Variants in ANXA6 observed in about 807,000 individuals in gnomAD.
ANXA6 encodes the protein annexin A6.
In ANXA6, 71 loss-of-function variants were observed where a neutral mutation model predicts 95.4. The ratio of observed to expected loss-of-function variants is 0.74; its 90% CI spans 0.61 to 0.91. The LOEUF (loss-of-function observed/expected upper bound fraction) is 0.91. Among genes scored for constraint, ANXA6 ranks in the 40% least tolerant of loss-of-function variants. ANXA6 has a pLI of 0.00. For synonymous variants in ANXA6, 289 were observed against 315.9 expected, an observed-to-expected ratio of 0.91 and a Z score of 0.90; for missense variants, 830 against 876.4, an observed-to-expected ratio of 0.95 and a Z score of 0.67.
chr5:151,139,863 G>A (rs997832872), intron 3 of ANXA6, among the ~76,000 whole-genome samples: 13 of 152,128 alleles, frequency 8.5e-5, no homozygotes, highest in African/African-American at 2.4e-4. Context: ...CAAAGGCAGC[G>A]GGCGGCATTA....
rs745395929 is a variant in ANXA6 at position 151,119,394 on chromosome 5, G to A, written c.1348-4C>T. 6.2e-7 allele frequency: 1 copy of A among 1,613,300 alleles called. No homozygotes were observed. The highest frequency in any genetic ancestry group is 8.5e-7 in the Non-Finnish European group (1 of 1,179,460). ...CCTTTTCATCTGTGCCGGCTCCCTG[G>A]AATGTCAAGGCAAAGATGATCTCAG... On this transcript the variant is annotated splice_polypyrimidine_tract_variant and splice_region_variant and intron_variant, in intron 17 of 25. Coordinates refer to ENST00000354546, the MANE Select transcript of ANXA6 (RefSeq NM_001155.5).
chr5:151,114,870 C>T (rs1764955452), intron 20 of ANXA6, among the ~76,000 whole-genome samples: 1 of 152,122 alleles, frequency 6.6e-6, no homozygotes, highest in Non-Finnish European at 1.5e-5. Context: ...GAGTGAGAGA[C>T]CGCCAGGGAG....
At chr5:151,109,979 G>T in intron 21 of ANXA6, 133 bp from the exon 22 acceptor site, 2 of 665,984 alleles carry the variant, frequency 3.0e-6, no homozygotes, top group Non-Finnish European at 5.4e-6. Flanking sequence ...CAAGGGGGCC[G>T]AGACTGGTCC....
chr5:151,125,639 T>C (rs560519923), intron 14 of ANXA6, among the ~76,000 whole-genome samples: 1 of 152,268 alleles, frequency 6.6e-6, no homozygotes, highest in African/African-American at 2.4e-5. Context: ...GCTGATGAAA[T>C]TGGAAAGGAG....
At chr5:151,142,698 C>A (rs1277889402) in intron 2 of ANXA6, among the ~76,000 whole-genome samples, 1 of 152,152 alleles carries the variant, frequency 6.6e-6, no homozygotes, top group Non-Finnish European at 1.5e-5. Context: ...TGTGACTGGG[C>A]TAAATGAATG....
At chr5:151,110,549 A>C in intron 21 of ANXA6, 78 bp downstream of exon 21, 1 of 1,511,194 alleles carries the variant, frequency 6.6e-7, no homozygotes. Context: ...TCACTGCTCG[A>C]TACTGCCCCG....
At chr5:151,141,498 A>C in intron 2 of ANXA6, 3 of 985,348 alleles carry the variant, frequency 3.0e-6, no homozygotes, top group Non-Finnish European at 3.6e-6. Flanking sequence ...GAATCCAAAA[A>C]AGAGGGAATG....
At chr5:151,109,407 C>T (rs938422727) in intron 22 of ANXA6, among the ~76,000 whole-genome samples, 1 of 152,196 alleles carries the variant, frequency 6.6e-6, no homozygotes, top group African/African-American at 2.4e-5. Flanking sequence ...TTGCTCCTGG[C>T]AGGCATCGCC....
intron 1 of ANXA6, among the ~76,000 whole-genome samples, chr5:151,153,236 TA>T (rs1766151271): frequency 6.6e-6 from 1 of 152,220 alleles, no homozygotes; most frequent in Admixed American, 6.5e-5. Context: ...CCAGAATCTA[TA>T]CCAGTGCTTT....
chr5:151,110,545 C>A, intron 21 of ANXA6, 82 bp downstream of exon 21: 1 of 1,491,796 alleles, frequency 6.7e-7, no homozygotes, highest in Non-Finnish European at 9.3e-7. Context: ...CAAATCACTG[C>A]TCGATACTGC....
intron 20 of ANXA6, among the ~76,000 whole-genome samples, chr5:151,114,953 C>T (rs997547287): frequency 1.3e-5 from 2 of 152,188 alleles, no homozygotes; most frequent in Non-Finnish European, 2.9e-5. Flanking sequence ...TGACTCGGCC[C>T]TATCAAATGC....
chr5:151,141,586 C>CCCGTCT, intron 2 of ANXA6: 5 of 985,536 alleles, frequency 5.1e-6, no homozygotes, highest in Non-Finnish European at 6.0e-6. Flanking sequence ...TCCCCCTCTC[C>CCCGTCT]CCGTCTCCGT....
In ANXA6 at chr5:151,126,779, C is replaced by G. The variant is rs186593074; in HGVS notation, c.978-299G>C. Among the ~76,000 whole-genome samples the G allele has an allele frequency of 2.6e-4, 39 of 152,196 alleles. No homozygotes were observed. In the South Asian group the frequency reaches 3.3e-3, roughly 13 times the overall value. On this transcript the variant is annotated intron_variant, in intron 13 of 25. Coordinates refer to ENST00000354546, the MANE Select transcript of ANXA6 (RefSeq NM_001155.5). ...TCACCCAGGCTGGGGTGCAGTGGCT[C>G]GATCTCAGCTCACTGCAACCTCTGC...
intron 17 of ANXA6, among the ~76,000 whole-genome samples, chr5:151,119,932 T>G (rs893295349): frequency 2.0e-5 from 3 of 152,142 alleles, no homozygotes; most frequent in Non-Finnish European, 4.4e-5. Flanking sequence ...CAGGCTGGAG[T>G]GCAGTGGCAT....
At chr5:151,110,794 C>A (rs116370717) in intron 20 of ANXA6, 150 bp from the exon 21 acceptor site, 5 of 752,512 alleles carry the variant, frequency 6.6e-6, no homozygotes, top group Admixed American at 5.2e-5. Flanking sequence ...ACCCGGGATG[C>A]GAAAGGAAGG....
At chr5:151,147,965 C>G in intron 1 of ANXA6, 39 bp from the exon 2 acceptor site, 2 of 1,547,348 alleles carry the variant, frequency 1.3e-6, no homozygotes, top group Non-Finnish European at 1.8e-6. Flanking sequence ...TTCCCCCCAA[C>G]TCTAACCATC....
In ANXA6 at chr5:151,122,860, G is replaced by A. The variant is rs1231197701; in HGVS notation, c.1233+57C>T. The A allele has an allele frequency of 2.7e-6, 4 of 1,503,164 alleles. No individual in the cohort carries two copies. In the African/African-American group the frequency reaches 4.1e-5, roughly 16 times the overall value. 93.1% of individuals were successfully genotyped at this position (1,503,164 alleles called of 1,614,324 possible). On this transcript the variant is annotated intron_variant, in intron 16 of 25. Transcript: ENST00000354546. ...TGCAGAACCGATGGGGACAGGCTGA[G>A]CTCAATCAGGCAAGGTGCATGCATG...
intron 2 of ANXA6, 52 bp downstream of exon 2, chr5:151,147,832 C>G: frequency 1.3e-6 from 2 of 1,569,892 alleles, no homozygotes; most frequent in African/African-American, 2.7e-5. Flanking sequence ...CCAGGAGGAT[C>G]CCAGGCCCAG....
At chr5:151,103,129 T>C (rs755887425) in intron 25 of ANXA6, among the ~76,000 whole-genome samples, 20 of 152,176 alleles carry the variant, frequency 1.3e-4, no homozygotes, top group Non-Finnish European at 1.0e-4. Flanking sequence ...CCTGAGTAGC[T>C]GGGATTACAG....
Sources: allele counts gnomAD v4.1 joint callset (sites outside exome capture counted in the v4.1 genomes callset), GRCh38; gene constraint gnomAD v4.1.1; transcripts MANE v1.5; gene names NCBI Gene and HGNC (gene_info 2026-07-23, HGNC 2026-07-21).